Variants in ADAMTSL1 observed in about 807,000 individuals in gnomAD.
ADAMTSL1 encodes the protein ADAMTS-like protein 1.
ADAMTSL1 carries 126 observed loss-of-function variants against 201.8 expected under a neutral mutation model. The ratio of observed to expected loss-of-function variants is 0.62; its 90% confidence interval spans 0.54 to 0.72. The LOEUF is 0.72. ADAMTSL1 is among the 30% of genes least tolerant of loss of function. ADAMTSL1 has a pLI of 0.00. For synonymous variants in ADAMTSL1, 1,121 were observed against 903.4 expected, an observed-to-expected ratio of 1.24 and a Z score of -4.32; for missense variants, 2,679 against 2,277.8, an observed-to-expected ratio of 1.18 and a Z score of -3.59.
chr9:18,680,562 C>T (rs1214405039), intron 11 of ADAMTSL1, 46 bp downstream of exon 11: 5 of 1,599,062 alleles, frequency 3.1e-6, no homozygotes, highest in Non-Finnish European at 4.3e-6. Context: ...TAAGTCCACT[C>T]TTCCCTCTCA....
chr9:18,454,768 T>C (rs953302875), intron 2 of ADAMTSL1, among the ~76,000 whole-genome samples: 5 of 152,232 alleles, frequency 3.3e-5, no homozygotes, highest in Non-Finnish European at 5.9e-5. Context: ...TTTTATTGTG[T>C]TTTGTAATAT....
At chr9:18,688,172 G>A (rs925543586) in intron 13 of ADAMTSL1, among the ~76,000 whole-genome samples, 4 of 151,022 alleles carry the variant, frequency 2.6e-5, no homozygotes, top group African/African-American at 7.3e-5. Context: ...CGCCCAGGCT[G>A]GAATGCAATG....
intron 1 of ADAMTSL1, among the ~76,000 whole-genome samples, chr9:17,926,567 A>G (rs1454337698): frequency 6.6e-6 from 1 of 152,202 alleles, no homozygotes; most frequent in Non-Finnish European, 1.5e-5. Context: ...ACAGGACACA[A>G]TGATTTTTTA....
upstream of ADAMTSL1, among the ~76,000 whole-genome samples, chr9:18,473,118 T>A (rs1390556703): frequency 2.0e-5 from 3 of 152,130 alleles, no homozygotes; most frequent in Admixed American, 2.0e-4. Flanking sequence ...CCTCTTGCAA[T>A]AGTGGATGGA....
rs768035208 is a variant in ADAMTSL1 at position 18,681,867 on chromosome 9, A to G, written c.1397A>G (p.His466Arg). ...TACCGTGTGGTCCTCTGCATCGACCATCGAGGAATGCACACAGGAGGCTGT... is the reference window on the plus strand; with the variant it reads ...TACCGTGTGGTCCTCTGCATCGACCGTCGAGGAATGCACACAGGAGGCTGT... ...LRYRVVLCIDHRGMHTGGCSP... is the reference protein window; with the variant it reads ...LRYRVVLCIDRRGMHTGGCSP... Residue 466 changes from histidine to arginine, a missense_variant, in exon 12 of 29, where the codon CAT becomes CGT. Physicochemically the swap from His to Arg is conservative, Grantham distance 29 (BLOSUM62 0). Coordinates refer to ENST00000380548, the MANE Select transcript of ADAMTSL1 (RefSeq NM_001040272.6). 1.2e-6 allele frequency: 2 copies of G among 1,614,030 alleles called. No homozygotes were observed. The highest frequency in any genetic ancestry group is 1.1e-5 in the South Asian group (1 of 91,076).
chr9:17,935,704 A>G (rs74717620), intron 1 of ADAMTSL1, among the ~76,000 whole-genome samples: 4 of 152,182 alleles, frequency 2.6e-5, no homozygotes, highest in African/African-American at 7.2e-5. Context: ...ATTAATAGCA[A>G]TACCTCTAGC....
intron 2 of ADAMTSL1, among the ~76,000 whole-genome samples, chr9:18,398,074 C>T (rs980251983): frequency 9.2e-5 from 14 of 152,168 alleles, no homozygotes; most frequent in African/African-American, 3.1e-4. Flanking sequence ...TTCAATCTAA[C>T]AGCTGGCTTT....
At chr9:18,601,176 T>C (rs1399033167) in intron 4 of ADAMTSL1, among the ~76,000 whole-genome samples, 1 of 152,228 alleles carries the variant, frequency 6.6e-6, no homozygotes, top group African/African-American at 2.4e-5. Context: ...GTGAAATACA[T>C]ATACTCTATT....
intron 1 of ADAMTSL1, among the ~76,000 whole-genome samples, chr9:18,040,699 A>T (rs941177275): frequency 7.2e-5 from 11 of 152,194 alleles, no homozygotes; most frequent in Admixed American, 2.0e-4. Flanking sequence ...GAAAGCTTAC[A>T]ACCTGAATGG....
intron 1 of ADAMTSL1, among the ~76,000 whole-genome samples, chr9:17,919,021 A>G (rs1233580132): frequency 6.6e-6 from 1 of 151,798 alleles, no homozygotes; most frequent in Non-Finnish European, 1.5e-5. Flanking sequence ...GATTTTTTTA[A>G]TATAATAGTT....
In ADAMTSL1 at chr9:18,893,064, C is replaced by T. The variant is rs7039071; in HGVS notation, c.4851+468C>T. Among the ~76,000 whole-genome samples, 795 of 151,934 alleles carry T rather than the reference C, an allele frequency of 5.2e-3. 5 individuals are homozygous for T. The highest frequency in any genetic ancestry group is 0.017 in the Middle Eastern group (5 of 294). ...CTACCGCTCAATGCTAGCCAATCAACATACCTAGCTGGAGACTCCTTTCTG... is the reference window on the plus strand; with the variant it reads ...CTACCGCTCAATGCTAGCCAATCAATATACCTAGCTGGAGACTCCTTTCTG... On this transcript the variant is annotated intron_variant, in intron 26 of 28. Transcript: ENST00000380548.
chr9:17,912,242 A>G (rs78422601), intron 1 of ADAMTSL1, among the ~76,000 whole-genome samples: 1 of 66,604 alleles, frequency 1.5e-5, no homozygotes, highest in African/African-American at 3.0e-5. Context: ...CTAGTTCTAG[A>G]TCCCTGAGGA....
Position 18,141,285 on chromosome 9 carries a change from C to G in ADAMTSL1, c.88-22577C>G, listed in dbSNP as rs190075123. Among the ~76,000 whole-genome samples the G allele has an allele frequency of 1.4e-3, 219 of 152,198 alleles. 1 individual carries two copies. Among genetic ancestry groups the G allele is most frequent in the East Asian group, 4.1e-3 (21 of 5,164 alleles). The stretch of plus-strand genomic sequence containing the variant: ...GTTGAAGGAGGTTTGGGTTCCTCAT[C>G]ATGGACAGAAGAACATGTTAAGGCA... On this transcript the variant is annotated intron_variant, in intron 1 of 29. Transcript: ENST00000680146.
chr9:18,486,039 C>G (rs534214664), intron 1 of ADAMTSL1, among the ~76,000 whole-genome samples: 2 of 152,314 alleles, frequency 1.3e-5, no homozygotes, highest in African/African-American at 4.8e-5. Flanking sequence ...CTTGAGGCCT[C>G]AGAGGCTCTT....
intron 2 of ADAMTSL1, among the ~76,000 whole-genome samples, chr9:18,301,250 T>C (rs1385507238): frequency 6.6e-6 from 1 of 152,152 alleles, no homozygotes; most frequent in Non-Finnish European, 1.5e-5. Flanking sequence ...AAACAATGCG[T>C]CTTGGAATCA....
Position 18,723,285 on chromosome 9 carries a change from C to G in ADAMTSL1, c.2006+1620C>G, listed in dbSNP as rs143282360. The G allele has an allele frequency of 4.7e-4, 279 of 588,392 alleles. 3 individuals are homozygous for G. In the East Asian group the frequency reaches 7.6e-3, roughly 16 times the overall value. The allele number at this position is 588,392 out of a possible 1,614,324, so 36.4% of individuals were successfully genotyped here. On this transcript the variant is annotated intron_variant, in intron 15 of 28. Transcript: ENST00000380548. The stretch of plus-strand genomic sequence containing the variant: ...TGTGTGCTAATCATTCCTGTAATTT[C>G]TGTTCTGCTTATTTGCCATTATTTG...
intron 2 of ADAMTSL1, among the ~76,000 whole-genome samples, chr9:18,217,017 A>C (rs1830079741): frequency 6.6e-6 from 1 of 152,068 alleles, no homozygotes; most frequent in Non-Finnish European, 1.5e-5. Context: ...GAGGAAGACA[A>C]ATGAGGGGTC....
In ADAMTSL1 at chr9:18,786,344, C is replaced by T. The variant is rs1297614428; in HGVS notation, c.3677+8438C>T. Among the ~76,000 whole-genome samples the T allele has an allele frequency of 3.9e-5, 6 of 152,188 alleles. No homozygotes were observed. The East Asian group carries it at 1.2e-3, about 29-fold the overall frequency. ...AGCAACCTGATGGCACATCAGTTAA[C>T]ACAAAGGGCAGCCCACGGTGGTAGG... On this transcript the variant is annotated intron_variant, in intron 19 of 28. Transcript: ENST00000380548.
At chr9:18,689,777 C>G (rs1057009843) in intron 13 of ADAMTSL1, among the ~76,000 whole-genome samples, 5 of 152,228 alleles carry the variant, frequency 3.3e-5, no homozygotes, top group African/African-American at 1.2e-4. Flanking sequence ...TGTTAAATAG[C>G]TGGCATTCGC....
Sources: gnomAD v4.1 joint callset for allele counts (sites outside exome capture counted in the v4.1 genomes callset) on GRCh38, gnomAD v4.1.1 for gene constraint, MANE v1.5 for transcripts, NCBI Gene and HGNC (gene_info 2026-07-23, HGNC 2026-07-21) for gene names.